Variants in SCN3A observed in about 807,000 individuals in gnomAD.
SCN3A encodes sodium voltage-gated channel alpha subunit 3.
A neutral mutation model predicts 187.6 loss-of-function variants in SCN3A; 60 were observed. That is an observed-to-expected ratio of 0.32 (90% CI 0.26 to 0.40). The LOEUF (loss-of-function observed/expected upper bound fraction) is 0.40. Ranked by LOEUF, SCN3A falls within the 10% of genes least tolerant of loss-of-function variation. The pLI is 1.00. For missense variants in SCN3A, 1,601 were observed against 2,428.2 expected (o/e 0.66, Z 7.16); for synonymous variants, 788 against 829.2 (o/e 0.95, Z 0.85).
intron 18 of SCN3A, among the ~76,000 whole-genome samples, chr2:165,119,105 C>A (rs1686522256): frequency 6.6e-6 from 1 of 151,994 alleles, no homozygotes; most frequent in Non-Finnish European, 1.5e-5. Flanking sequence ...AGGGTTTTGC[C>A]ATATTGCCCA....
chr2:165,188,301 A>G (rs1320624600), intron 1 of SCN3A, among the ~76,000 whole-genome samples: 1 of 151,954 alleles, frequency 6.6e-6, no homozygotes, highest in African/African-American at 2.4e-5. Flanking sequence ...TTTCTTTTTC[A>G]ATCCCAAGTA....
At position 165,138,102 on chromosome 2, in the gene SCN3A, C is replaced by G; in HGVS notation, c.2168G>C (p.Arg723Thr). The change falls in exon 15 of 28, where the codon AGA (arginine) becomes ACA (threonine). Residue 723 changes from arginine (R) to threonine (T), a missense_variant. This residue lies in a region of SCN3A where 376 missense variants were observed against 476.0 expected (regional missense o/e 0.79). Transcript: ENST00000283254. The stretch of plus-strand genomic sequence containing the variant: ...ATACCAGCATGGCGGACATTTCTGT[C>G]TAGATTCTTCAAGTTCTGGAGGGAC... ...TNTMEELEES[R>T]QKCPPCWYRF... 6.2e-7 allele frequency: 1 copy of G among 1,612,974 alleles called. No homozygotes were observed. The highest frequency in any genetic ancestry group is 8.5e-7 in the Non-Finnish European group (1 of 1,179,172).
chr2:165,166,221 G>T (rs1689747114), intron 5 of SCN3A, among the ~76,000 whole-genome samples: 1 of 152,126 alleles, frequency 6.6e-6, no homozygotes, highest in Non-Finnish European at 1.5e-5. Context: ...GGGTACATTT[G>T]GAATGTATGG....
At position 165,118,491 on chromosome 2, in the gene SCN3A, A is replaced by G. The variant is rs75181526; in HGVS notation, c.3394-2916T>C. The stretch of plus-strand genomic sequence containing the variant: ...AAGACGGTAGATTAGTTTGCATTTC[A>G]CTAAAAAGTGTTTTATGGGAGGCTT... On this transcript the variant is annotated intron_variant, in intron 18 of 27. Transcript: ENST00000283254. 1.1e-4 allele frequency among the ~76,000 whole-genome samples: 16 copies of G among 152,346 alleles called. No homozygotes were observed. In the East Asian group the frequency reaches 2.9e-3, roughly 28 times the overall value.
At chr2:165,103,595 G>A (rs1396940443) in intron 21 of SCN3A, among the ~76,000 whole-genome samples, 2 of 152,182 alleles carry the variant, frequency 1.3e-5, no homozygotes, top group Non-Finnish European at 2.9e-5. Context: ...AGAGGTGTCA[G>A]GGGTTGGTTC....
rs868339452 is a variant in SCN3A, at chr2:165,092,299, C to T, written c.4762G>A (p.Gly1588Ser). ...VSLRHYYFTI[G>S]WNIFDFVVVI... ...ACCACAAAGTCAAAGATGTTCCAGC[C>T]TATAGTGAAGTAGTAGTGTCTGAGG... is the stretch of plus-strand genomic sequence containing the variant. Residue 1588 changes from glycine to serine, a missense_variant, in exon 27 of 28, where the codon GGC becomes AGC. Physicochemically the swap from Gly to Ser is moderately conservative, Grantham distance 56 (BLOSUM62 0). Transcript: ENST00000283254. This position sits in a 1 kb window ranked among gnomAD's most constrained non-coding sequence, Gnocchi z 4.2. 2 of 1,613,950 alleles carry T rather than the reference C, an allele frequency of 1.2e-6. No homozygotes were observed. The highest frequency in any genetic ancestry group is 8.5e-7 in the Non-Finnish European group (1 of 1,179,914).
At chr2:165,120,189 G>A (rs1033024450) in intron 18 of SCN3A, among the ~76,000 whole-genome samples, 1 of 151,976 alleles carries the variant, frequency 6.6e-6, no homozygotes, top group Non-Finnish European at 1.5e-5. Context: ...GAAGCCGCAC[G>A]CTGATCCAAG....
intron 7 of SCN3A, 74 bp from the exon 8 acceptor site, chr2:165,162,902 CTCTTTCCCCCAT>C: frequency 6.5e-7 from 1 of 1,542,692 alleles, no homozygotes; most frequent in Non-Finnish European, 9.0e-7. Context: ...CACACACATT[CTCTTTCCCCCAT>C]AAATGATTGC....
At chr2:165,203,748 A>G (rs1334788925) in intron 1 of SCN3A, 75 bp downstream of exon 1, 1 of 151,926 alleles carries the variant, frequency 6.6e-6, no homozygotes, top group East Asian at 1.9e-4. Context: ...CAGCATGAAG[A>G]TGATTTTAAA....
rs542063434 is a variant in SCN3A, at chr2:165,162,657, G to A, written c.866C>T (p.Thr289Ile). 6.2e-7 allele frequency: 1 copy of A among 1,614,128 alleles called. No individual in the cohort carries two copies. Among genetic ancestry groups the A allele is most frequent in the African/African-American group, 1.3e-5 (1 of 75,026 alleles). The stretch of plus-strand genomic sequence containing the variant: ...GCCATTAAAGTAGGAAGTGGTGTTG[G>A]TTTCAAAAGCAGAATCGCTTGGGGG... ...QWPPSDSAFE[T>I]NTTSYFNGTM... The change falls in exon 8 of 28, where the codon ACC becomes ATC. Residue 289 changes from threonine (T) to isoleucine (I), a missense_variant. Physicochemically the swap from Thr to Ile is moderately conservative, Grantham distance 89. Coordinates refer to ENST00000283254, the MANE Select transcript of SCN3A (RefSeq NM_006922.4).
intron 1 of SCN3A, among the ~76,000 whole-genome samples, chr2:165,187,583 G>C (rs1242553930): frequency 6.6e-6 from 1 of 152,044 alleles, no homozygotes; most frequent in Non-Finnish European, 1.5e-5. Flanking sequence ...TTTATACATG[G>C]TCTATACAAT....
intron 11 of SCN3A, among the ~76,000 whole-genome samples, chr2:165,147,858 T>G (rs1409041351): frequency 1.3e-5 from 2 of 152,166 alleles, no homozygotes; most frequent in Non-Finnish European, 2.9e-5. Context: ...AATAGTATTT[T>G]TAGACTGGAA....
In SCN3A at chr2:165,146,606, A is replaced by T. The variant is rs1352764048; in HGVS notation, c.1671+133T>A. 3.5e-6 allele frequency: 3 copies of T among 857,678 alleles called. No homozygotes were observed. In the Admixed American group the frequency reaches 7.8e-5, roughly 22 times the overall value. 53.1% of individuals were successfully genotyped at this position (857,678 alleles called of 1,614,324 possible). A position where few individuals can be genotyped will look rare whatever the true frequency, so the allele number is the denominator to read the frequency against. ...AAGACAATCTATTATAAGAATTTAA[A>T]CAACTATATTAAATGTTAGTTCCCT... On this transcript the variant is annotated intron_variant, in intron 12 of 27. Coordinates refer to ENST00000283254, the MANE Select transcript of SCN3A (RefSeq NM_006922.4).
intron 2 of SCN3A, among the ~76,000 whole-genome samples, chr2:165,181,036 A>G (rs1690816151): frequency 6.6e-6 from 1 of 152,250 alleles, no homozygotes; most frequent in Admixed American, 6.5e-5. Context: ...ATAGATGGTT[A>G]ATGAAAACAA....
intron 10 of SCN3A, 147 bp from the exon 11 acceptor site, chr2:165,154,805 C>T: frequency 1.4e-6 from 1 of 727,306 alleles, no homozygotes; most frequent in Admixed American, 2.4e-5. Context: ...TATTGATATG[C>T]TCAACACACA....
intron 3 of SCN3A, 42 bp from the exon 4 acceptor site, chr2:165,170,590 G>A: frequency 8.3e-7 from 1 of 1,200,074 alleles, no homozygotes; most frequent in Non-Finnish European, 1.2e-6. Flanking sequence ...ATTAGACATG[G>A]GCTTATTTAA....
intron 1 of SCN3A, among the ~76,000 whole-genome samples, chr2:165,188,147 G>C (rs1186411058): frequency 6.6e-6 from 1 of 152,150 alleles, no homozygotes; most frequent in African/African-American, 2.4e-5. Flanking sequence ...AGGAGCAGAA[G>C]GGTGGAGTTT....
intron 18 of SCN3A, among the ~76,000 whole-genome samples, chr2:165,125,348 G>C (rs1243350773): frequency 2.0e-5 from 3 of 151,512 alleles, no homozygotes; most frequent in African/African-American, 7.3e-5. Context: ...CTGTTGCTCA[G>C]GCTGGAGTGC....
chr2:165,161,520 A>T (rs1689396430), intron 9 of SCN3A, among the ~76,000 whole-genome samples: 1 of 152,156 alleles, frequency 6.6e-6, no homozygotes, highest in African/African-American at 2.4e-5. Context: ...ATACATTTTC[A>T]TTAACTCTCT....
Sources: allele counts gnomAD v4.1 joint callset (sites outside exome capture counted in the v4.1 genomes callset), GRCh38; gene constraint gnomAD v4.1.1; regional missense constraint gnomAD v4.1.1; non-coding constraint Gnocchi (gnomAD v3.1); transcripts MANE v1.5; gene names NCBI Gene and HGNC (gene_info 2026-07-23, HGNC 2026-07-21).